The following ROBO2 variants were observed in gnomAD, a reference collection of about 807,000 sequenced individuals.
ROBO2 encodes the protein roundabout guidance receptor 2, also known as roundabout homolog 2.
ROBO2 carries 53 observed loss-of-function variants against 160.8 expected under a neutral mutation model. The observed-to-expected ratio is 0.33, with a 90% CI of 0.26 to 0.41. ROBO2 has a LOEUF of 0.41. Among genes scored for constraint, ROBO2 ranks in the 10% least tolerant of loss-of-function variants. ROBO2 has a pLI of 1.00. For synonymous variants in ROBO2, 664 were observed against 611.7 expected, an observed-to-expected ratio of 1.09 and a Z score of -1.26; for missense variants, 1,577 against 1,722.4, an observed-to-expected ratio of 0.92 and a Z score of 1.49.
chr3:76,169,378 A>G (rs1472905543), intron 2 of ROBO2, among the ~76,000 whole-genome samples: 1 of 152,192 alleles, frequency 6.6e-6, no homozygotes, highest in African/African-American at 2.4e-5. Flanking sequence ...CATTTTGTAT[A>G]TAACTGTGAT....
intron 2 of ROBO2, among the ~76,000 whole-genome samples, chr3:76,094,495 C>T (rs774435939): frequency 6.6e-6 from 1 of 152,192 alleles, no homozygotes; most frequent in Non-Finnish European, 1.5e-5. Flanking sequence ...GAGACTCCAT[C>T]TAGCAAGGAA....
intron 14 of ROBO2, among the ~76,000 whole-genome samples, chr3:77,576,534 A>G (rs1465388234): frequency 6.6e-6 from 1 of 152,150 alleles, no homozygotes; most frequent in African/African-American, 2.4e-5. Flanking sequence ...TCAGAGAATC[A>G]CTGAGAATAG....
At chr3:76,836,910 G>A (rs918298950) in intron 2 of ROBO2, among the ~76,000 whole-genome samples, 13 of 151,842 alleles carry the variant, frequency 8.6e-5, no homozygotes, top group African/African-American at 1.9e-4. Flanking sequence ...GGTTGATGAC[G>A]TTACTTGCAT....
chr3:77,495,291 A>C (rs527953898), intron 5 of ROBO2, among the ~76,000 whole-genome samples: 2 of 152,346 alleles, frequency 1.3e-5, no homozygotes, highest in African/African-American at 4.8e-5. Context: ...GATTTATAGG[A>C]AAGTTACAAA....
At chr3:77,245,664 A>G (rs1241792990) in intron 2 of ROBO2, among the ~76,000 whole-genome samples, 1 of 152,202 alleles carries the variant, frequency 6.6e-6, no homozygotes, top group African/African-American at 2.4e-5. Context: ...GCAAACAAGT[A>G]TGGTTTCTGA....
At chr3:76,118,743 A>G (rs972150315) in intron 2 of ROBO2, among the ~76,000 whole-genome samples, 9 of 152,178 alleles carry the variant, frequency 5.9e-5, no homozygotes, top group Admixed American at 6.6e-5. Flanking sequence ...AAAAATGTGA[A>G]TCTTTTCTAA....
chr3:76,035,401 C>T (rs1027161964), intron 2 of ROBO2, among the ~76,000 whole-genome samples: 2 of 148,284 alleles, frequency 1.3e-5, no homozygotes, highest in Non-Finnish European at 1.5e-5. Flanking sequence ...CAGAACAGAA[C>T]TCATGTATGA....
intron 2 of ROBO2, among the ~76,000 whole-genome samples, chr3:77,322,181 CTT>C (rs1290342685): frequency 6.6e-6 from 1 of 152,132 alleles, no homozygotes; most frequent in Non-Finnish European, 1.5e-5. Context: ...AAATAATAGA[CTT>C]ATTCACAAAA....
chr3:76,167,963 G>A (rs995442372), intron 2 of ROBO2, among the ~76,000 whole-genome samples: 12 of 152,152 alleles, frequency 7.9e-5, no homozygotes, highest in African/African-American at 1.7e-4. Context: ...TCTTGGAAGC[G>A]CTGGTAGTGG....
At chr3:77,208,787 T>A (rs1031179977) in intron 2 of ROBO2, among the ~76,000 whole-genome samples, 2 of 152,164 alleles carry the variant, frequency 1.3e-5, no homozygotes, top group Admixed American at 6.5e-5. Flanking sequence ...AAAACCGATA[T>A]GGTTGGTCAT....
chr3:76,967,787 C>T (rs545136373), intron 2 of ROBO2, among the ~76,000 whole-genome samples: 142 of 152,170 alleles, frequency 9.3e-4, no homozygotes, highest in Non-Finnish European at 1.6e-3. Context: ...TCAAGTGATT[C>T]GCCTGCCTCA....
intron 2 of ROBO2, among the ~76,000 whole-genome samples, chr3:76,353,530 A>G (rs2074996140): frequency 6.6e-6 from 1 of 151,866 alleles, no homozygotes; most frequent in Non-Finnish European, 1.5e-5. Context: ...GTTGCCTAAC[A>G]TTTCTCATAC....
chr3:77,427,563 C>T (rs1456546821), intron 2 of ROBO2, among the ~76,000 whole-genome samples: 2 of 152,092 alleles, frequency 1.3e-5, no homozygotes, highest in Non-Finnish European at 2.9e-5. Context: ...ATTTCAATCC[C>T]AAAGGAAAGA....
chr3:76,369,510 A>G (rs1345985106), intron 2 of ROBO2, among the ~76,000 whole-genome samples: 1 of 151,950 alleles, frequency 6.6e-6, no homozygotes, highest in Non-Finnish European at 1.5e-5. Context: ...CAGAATTCCT[A>G]GCAGAACCTC....
chr3:76,613,724 T>A (rs1405186441), intron 2 of ROBO2, among the ~76,000 whole-genome samples: 1 of 151,966 alleles, frequency 6.6e-6, no homozygotes, highest in East Asian at 1.9e-4. Context: ...ATGCCACCTA[T>A]CAATAAAGTT....
intron 2 of ROBO2, among the ~76,000 whole-genome samples, chr3:76,340,790 A>C (rs1467872276): frequency 6.6e-6 from 1 of 152,120 alleles, no homozygotes; most frequent in East Asian, 1.9e-4. Flanking sequence ...AGTTCTAAAA[A>C]AATGCATTGC....
Position 76,627,475 on chromosome 3 carries a change from C to A in ROBO2, c.110-470539C>A, listed in dbSNP as rs547408869. Among the ~76,000 whole-genome samples the A allele has an allele frequency of 4.6e-5, 7 of 152,336 alleles. No homozygotes were observed. In the South Asian group the frequency reaches 1.4e-3, roughly 32 times the overall value. ...CGCGTATGGAAGCAACTGGCTTTAG[C>A]ATGCAGATGATGGCTGCTAAGGAAT... On this transcript the variant is annotated intron_variant, in intron 2 of 26. Coordinates refer to the ROBO2 transcript ENST00000487694.
intron 2 of ROBO2, among the ~76,000 whole-genome samples, chr3:77,469,559 T>C (rs188371078): frequency 6.6e-6 from 1 of 152,296 alleles, no homozygotes; most frequent in Non-Finnish European, 1.5e-5. Flanking sequence ...TCTTAGTCCA[T>C]TGGAATAATT....
rs1017458847 is a variant in ROBO2 at position 76,300,739 on chromosome 3, G to A, written c.109+363137G>A. 3.9e-5 allele frequency among the ~76,000 whole-genome samples: 6 copies of A among 151,926 alleles called. No homozygotes were observed. In the East Asian group the frequency reaches 9.6e-4, roughly 24 times the overall value. ...ATAGTTTAAATGATTTAAATTAAAA[G>A]CAAAGAAATTCCCTCTTCCTGGAAG... On this transcript the variant is annotated intron_variant, in intron 2 of 26. Coordinates refer to the ROBO2 transcript ENST00000487694.
Sources: gnomAD v4.1 joint callset for allele counts (sites outside exome capture counted in the v4.1 genomes callset) on GRCh38, gnomAD v4.1.1 for gene constraint, MANE v1.5 for transcripts, NCBI Gene and HGNC (gene_info 2026-07-23, HGNC 2026-07-21) for gene names.